RIMS1: variants seen among roughly 807,000 people sequenced by gnomAD.
The protein encoded by RIMS1 is regulating synaptic membrane exocytosis protein 1.
RIMS1 carries 83 observed loss-of-function variants against 214.1 expected under a neutral mutation model. The observed-to-expected ratio is 0.39, with a 90% CI of 0.32 to 0.47. The LOEUF (loss-of-function observed/expected upper bound fraction) is 0.47, where lower values mean the gene tolerates loss of function less well. RIMS1 is among the 20% of genes least tolerant of loss of function. The probability of loss-of-function intolerance (pLI) is 0.99; values close to 1 mark genes in which losing one functional copy is unlikely to be tolerated. For synonymous variants in RIMS1, 793 were observed against 786.8 expected, an observed-to-expected ratio of 1.01 and a Z score of -0.13; for missense variants, 2,050 against 2,161.8, an observed-to-expected ratio of 0.95 and a Z score of 1.03.
At chr6:72,001,111 T>C (rs796451788) in intron 2 of RIMS1, among the ~76,000 whole-genome samples, 40 of 152,292 alleles carry the variant, frequency 2.6e-4, no homozygotes, top group African/African-American at 9.1e-4. Context: ...TATCTGAAGC[T>C]GAAAATATCA....
At chr6:72,370,157 G>A (rs576231404) in intron 29 of RIMS1, among the ~76,000 whole-genome samples, 7 of 152,292 alleles carry the variant, frequency 4.6e-5, no homozygotes, top group Non-Finnish European at 1.0e-4. Context: ...CACAGCATTG[G>A]TTCCCCTGTT....
intron 29 of RIMS1, among the ~76,000 whole-genome samples, chr6:72,376,211 A>G (rs2098373850): frequency 6.6e-6 from 1 of 152,196 alleles, no homozygotes; most frequent in Non-Finnish European, 1.5e-5. Flanking sequence ...AGTCATTACA[A>G]TATGTGCTAG....
At chr6:72,102,641 G>A (rs544439987) in intron 4 of RIMS1, among the ~76,000 whole-genome samples, 2 of 151,884 alleles carry the variant, frequency 1.3e-5, no homozygotes, top group South Asian at 4.1e-4. Context: ...CAGGATGTTG[G>A]CTTGAATGGT....
At chr6:72,091,698 A>G (rs1836274070) in intron 2 of RIMS1, among the ~76,000 whole-genome samples, 1 of 152,166 alleles carries the variant, frequency 6.6e-6, no homozygotes, top group African/African-American at 2.4e-5. Flanking sequence ...ATAGTGAAAC[A>G]ATGAAAAAAA....
At chr6:71,891,438 GGAGA>G (rs1769851288) in intron 1 of RIMS1, among the ~76,000 whole-genome samples, 1 of 152,156 alleles carries the variant, frequency 6.6e-6, no homozygotes, top group Non-Finnish European at 1.5e-5. Flanking sequence ...TTCCTGGAAA[GGAGA>G]GAGAAAGTAG....
Position 71,950,747 on chromosome 6 carries a change from G to A in RIMS1, c.165-18236G>A, listed in dbSNP as rs543517654. 5.8e-4 allele frequency among the ~76,000 whole-genome samples: 88 copies of A among 151,984 alleles called. 2 individuals carry two copies. Among genetic ancestry groups the A allele is most frequent in the African/African-American group, 2.1e-3 (86 of 41,466 alleles). On this transcript the variant is annotated intron_variant, in intron 1 of 33. Transcript: ENST00000521978. ...TTTCCCTCCAGAAACATTTTTTTCC[G>A]ACTGAGGCAGCTTCTACCTTTACAG...
chr6:72,294,094 A>G (rs1023269141), intron 26 of RIMS1, among the ~76,000 whole-genome samples: 5 of 151,616 alleles, frequency 3.3e-5, no homozygotes, highest in Admixed American at 6.6e-5. Context: ...TGATATAAAT[A>G]TGTGCTTTAG....
At chr6:72,263,862 A>G in intron 19 of RIMS1, 1 of 395,786 alleles carries the variant, frequency 2.5e-6, no homozygotes, top group Non-Finnish European at 3.4e-6. Context: ...GCATGGTGGC[A>G]GGTGCTTGTA....
At chr6:72,107,486 G>A (rs1422032694) in intron 4 of RIMS1, among the ~76,000 whole-genome samples, 1 of 152,092 alleles carries the variant, frequency 6.6e-6, no homozygotes, top group Non-Finnish European at 1.5e-5. Flanking sequence ...GCTTGAATCC[G>A]AGAAGTGGAG....
chr6:72,265,041 G>A lies in RIMS1; in HGVS notation c.3183G>A (p.Trp1061Ter). 6.3e-7 allele frequency: 1 copy of A among 1,582,994 alleles called. No homozygotes were observed. The change falls in exon 20 of 34, where the codon TGG (tryptophan) becomes TGA (stop). Residue 1061 changes from tryptophan to a stop codon, truncating the protein, a stop_gained. Transcript: ENST00000521978. LOFTEE classifies it high-confidence loss of function. Reference sequence around the variant, plus strand: ...CTTTATTACAGAGCAGTTCTCACTGGAATATTTACAGGTAAGAGCCCTAAC... The same window carrying A: ...CTTTATTACAGAGCAGTTCTCACTGAAATATTTACAGGTAAGAGCCCTAAC... ...KMPLLQSSSHWNIYSSILPAH... is the reference protein window; with the variant it reads ...KMPLLQSSSH
rs772341159 is a variant in RIMS1, at chr6:72,400,727, A to G, written c.*13A>G. 5.1e-6 allele frequency: 8 copies of G among 1,568,702 alleles called. No homozygotes were observed. Among genetic ancestry groups the G allele is most frequent in the Middle Eastern group, 1.8e-4 (1 of 5,682 alleles). On this transcript the variant is annotated 3_prime_UTR_variant, in exon 34 of 34. Transcript: ENST00000521978. The stretch of plus-strand genomic sequence containing the variant: ...TATTCGATCATAGTGAACTCATACC[A>G]GAGTCATTCCAATAAAACTCTACTT...
Position 72,398,367 on chromosome 6 carries a change from C to T in RIMS1, c.4720+17C>T, listed in dbSNP as rs1317741694. 1 of 1,508,118 alleles carries T rather than the reference C, an allele frequency of 6.6e-7. No homozygotes were observed. Among genetic ancestry groups the T allele is most frequent in the African/African-American group, 1.4e-5 (1 of 72,296 alleles). The allele number at this position is 1,508,118 out of a possible 1,614,324, so 93.4% of individuals were successfully genotyped here. On this transcript the variant is annotated intron_variant, in intron 32 of 33. Transcript: ENST00000521978. ...CTACACCTGGTAAGGAGAAGTATTC[C>T]TGAATTTGGTGAAGGGACTATTTAA...
intron 24 of RIMS1, 57 bp from the exon 25 acceptor site, chr6:72,290,622 T>C: frequency 1.4e-6 from 2 of 1,476,598 alleles, no homozygotes; most frequent in Non-Finnish European, 1.9e-6. Flanking sequence ...AATGTGTTGG[T>C]ATCAAAGTTA....
intron 4 of RIMS1, among the ~76,000 whole-genome samples, chr6:72,130,077 T>C (rs2040206981): frequency 6.6e-6 from 1 of 152,160 alleles, no homozygotes; most frequent in African/African-American, 2.4e-5. Context: ...CTCAACCGAT[T>C]TTGTTTCACT....
At chr6:71,978,341 C>A (rs1797673739) in intron 2 of RIMS1, among the ~76,000 whole-genome samples, 1 of 151,924 alleles carries the variant, frequency 6.6e-6, no homozygotes, top group Non-Finnish European at 1.5e-5. Flanking sequence ...ATATTGAAGA[C>A]AAAAATTATG....
At chr6:71,993,795 T>C (rs1304089815) in intron 2 of RIMS1, among the ~76,000 whole-genome samples, 7 of 152,210 alleles carry the variant, frequency 4.6e-5, no homozygotes, top group Admixed American at 4.6e-4. Context: ...CTAGATTTCA[T>C]ATAGTGGTAG....
At chr6:72,319,464 A>G (rs1265588141) in intron 28 of RIMS1, among the ~76,000 whole-genome samples, 2 of 152,148 alleles carry the variant, frequency 1.3e-5, no homozygotes, top group African/African-American at 4.8e-5. Context: ...AGTTAAGGGA[A>G]TGGTTAGTGA....
chr6:72,267,609 C>T (rs1035327806), intron 22 of RIMS1, among the ~76,000 whole-genome samples: 31 of 152,110 alleles, frequency 2.0e-4, no homozygotes, highest in Non-Finnish European at 5.9e-5. Context: ...TGTACTTGCA[C>T]CACTCCCACT....
chr6:72,250,868 T>C (rs1327938141), intron 13 of RIMS1, 53 bp from the exon 14 acceptor site: 2 of 995,758 alleles, frequency 2.0e-6, no homozygotes, highest in Non-Finnish European at 2.9e-6. Flanking sequence ...GTAACTACAG[T>C]AGATGGCAGC....
Sources: allele counts gnomAD v4.1 joint callset (sites outside exome capture counted in the v4.1 genomes callset), GRCh38; gene constraint gnomAD v4.1.1; transcripts MANE v1.5; gene names NCBI Gene and HGNC (gene_info 2026-07-23, HGNC 2026-07-21).